The following OR2V2 variants were observed in gnomAD, a reference collection of about 807,000 sequenced individuals.
The protein encoded by OR2V2 is olfactory receptor family 2 subfamily V member 2, also known as olfactory receptor 2V2.
For missense variants in OR2V2, 392 were observed against 392.2 expected (o/e 1.00, Z 0.00); for synonymous variants, 161 against 151.3 (o/e 1.06, Z -0.47).
At chr5:181,148,405 A>G (rs970632113) in intron 1 of OR2V2, among the ~76,000 whole-genome samples, 3 of 152,186 alleles carry the variant, frequency 2.0e-5, no homozygotes, top group Non-Finnish European at 4.4e-5. Flanking sequence ...TCTCATCCCC[A>G]GGAGAATATT....
chr5:181,155,673 C>T lies in OR2V2; in HGVS notation c.731C>T (p.Ser244Phe). The change falls in exon 2 of 2, where the codon TCC becomes TTC. Residue 244 changes from serine to phenylalanine, a missense_variant. Transcript: ENST00000641492. Reference sequence around the variant, plus strand: ...AAAAAGGCCCTGGCCACCTGCTCCTCCCACCTGACAGCTGTCACCCTCTTC... The same window carrying T: ...AAAAAGGCCCTGGCCACCTGCTCCTTCCACCTGACAGCTGTCACCCTCTTC... Reference protein sequence around the residue: ...AWKKALATCSSHLTAVTLFYG... With the variant: ...AWKKALATCSFHLTAVTLFYG... 1 of 1,614,220 alleles carries T rather than the reference C, an allele frequency of 6.2e-7. No homozygotes were observed. Among genetic ancestry groups the T allele is most frequent in the Non-Finnish European group, 8.5e-7 (1 of 1,180,046 alleles).
chr5:181,156,518 A>C lies in OR2V2; in HGVS notation c.*628A>C, dbSNP rs1333394072. 2 of 152,236 alleles carry C rather than the reference A, an allele frequency of 1.3e-5. No individual in the cohort carries two copies. Among genetic ancestry groups the C allele is most frequent in the Non-Finnish European group, 2.9e-5 (2 of 68,034 alleles). The allele number at this position is 152,236 out of a possible 1,614,324, so 9.4% of individuals were successfully genotyped here. On this transcript the variant is annotated 3_prime_UTR_variant, in exon 2 of 2. Coordinates refer to ENST00000641492, the MANE Select transcript of OR2V2 (RefSeq NM_206880.2). ...TGAATATAGGACATTGTAAATCAGC[A>C]CTGTGCAGAAATAAGACATTGGGAT...
At chr5:181,154,662 G>C (rs1165546381) in intron 1 of OR2V2, among the ~76,000 whole-genome samples, 3 of 151,510 alleles carry the variant, frequency 2.0e-5, no homozygotes, top group Non-Finnish European at 2.9e-5. Context: ...GTTGTCCGAA[G>C]GTCTCTGACA....
chr5:181,147,874 C>T lies in OR2V2; in HGVS notation c.-146C>T. The stretch of plus-strand genomic sequence containing the variant: ...CTGAGGAAGGAGGTTGGGGCTGCGG[C>T]TCCTCCTGTCCCCTGACCCAGTGGG... On this transcript the variant is annotated 5_prime_UTR_variant, in exon 1 of 2. Coordinates refer to ENST00000641492, the MANE Select transcript of OR2V2 (RefSeq NM_206880.2). The T allele has an allele frequency of 2.5e-6, 1 of 397,414 alleles. No homozygotes were observed. Among genetic ancestry groups the T allele is most frequent in the Non-Finnish European group, 4.4e-6 (1 of 225,650 alleles). The allele number at this position is 397,414 out of a possible 1,614,324, so 24.6% of individuals were successfully genotyped here.
At chr5:181,152,798 C>T (rs1019275778) in intron 1 of OR2V2, among the ~76,000 whole-genome samples, 6 of 152,334 alleles carry the variant, frequency 3.9e-5, no homozygotes, top group South Asian at 4.1e-4. Context: ...GAGGCACCTG[C>T]GAGGAGGGAA....
chr5:181,155,002 C>T lies in OR2V2; in HGVS notation c.60C>T (p.Ser20=), dbSNP rs1763239032. The change falls in exon 2 of 2, where the codon TCC becomes TCT. Residue 20 remains serine, a synonymous_variant. Transcript: ENST00000641492. ...TDGFFLLGIF[S]HSTADLVLFS... ...GCTTCTTCCTCTTAGGCATCTTCTCCCACAGTACTGCTGACCTTGTCCTCT... is the reference window on the plus strand; with the variant it reads ...GCTTCTTCCTCTTAGGCATCTTCTCTCACAGTACTGCTGACCTTGTCCTCT... 1 of 1,614,054 alleles carries T rather than the reference C, an allele frequency of 6.2e-7. No individual in the cohort carries two copies. Among genetic ancestry groups the T allele is most frequent in the Non-Finnish European group, 8.5e-7 (1 of 1,180,036 alleles).
rs962593175 is a variant in OR2V2, at chr5:181,157,203, G to A, written c.*1313G>A. On this transcript the variant is annotated 3_prime_UTR_variant, in exon 2 of 2. Transcript: ENST00000641492. Reference sequence around the variant, plus strand: ...TCCATTGAAGGCGGAGAGAAAAGAGGCCAGAACTGGTCCTGAGGATTAGAC... The same window carrying A: ...TCCATTGAAGGCGGAGAGAAAAGAGACCAGAACTGGTCCTGAGGATTAGAC... 6.6e-6 allele frequency: 1 copy of A among 152,374 alleles called. No homozygotes were observed. Among genetic ancestry groups the A allele is most frequent in the East Asian group, 1.9e-4 (1 of 5,194 alleles). 9.4% of individuals were successfully genotyped at this position (152,374 alleles called of 1,614,324 possible). A position where few individuals can be genotyped will look rare whatever the true frequency, so the allele number is the denominator to read the frequency against.
In OR2V2 at chr5:181,158,128, G is replaced by A. The variant is rs902013567; in HGVS notation, c.*2238G>A. Reference sequence around the variant, plus strand: ...TTCCATTGAAAATTATCTACTGAACGCCACTAGCACCCAGAAATGTGGTAA... The same window carrying A: ...TTCCATTGAAAATTATCTACTGAACACCACTAGCACCCAGAAATGTGGTAA... On this transcript the variant is annotated 3_prime_UTR_variant, in exon 2 of 2. Transcript: ENST00000641492. The A allele has an allele frequency of 2.0e-5, 3 of 152,208 alleles. No individual in the cohort carries two copies. Among genetic ancestry groups the A allele is most frequent in the East Asian group, 3.9e-4 (2 of 5,188 alleles). The allele number at this position is 152,208 out of a possible 1,614,324, so 9.4% of individuals were successfully genotyped here.
rs200942272 is a variant in OR2V2, at chr5:181,155,876, G to A, written c.934G>A (p.Gly312Ser). The change falls in exon 2 of 2, where the codon GGC (glycine) becomes AGC (serine). Residue 312 changes from glycine (G) to serine (S), a missense_variant. Transcript: ENST00000641492. ...LRKGLDRCRI[G>S]SQH ...GAAGGGGCTGGACCGCTGCAGGATC[G>A]GCAGCCAGCACTGAACCCAGGGCAT... is the stretch of plus-strand genomic sequence containing the variant. The A allele has an allele frequency of 1.1e-4, 172 of 1,612,864 alleles. No homozygotes were observed. In the East Asian group the frequency reaches 1.9e-3, roughly 18 times the overall value.
At position 181,155,899 on chromosome 5, in the gene OR2V2, C is replaced by A. The variant is rs747431215; in HGVS notation, c.*9C>A. 6.2e-7 allele frequency: 1 copy of A among 1,601,520 alleles called. No homozygotes were observed. The highest frequency in any genetic ancestry group is 8.5e-7 in the Non-Finnish European group (1 of 1,170,480). ...TCGGCAGCCAGCACTGAACCCAGGG[C>A]ATCCAGTGCCTGGCTCTGCCATCTC... On this transcript the variant is annotated 3_prime_UTR_variant, in exon 2 of 2. Transcript: ENST00000641492.
At chr5:181,151,718 C>T (rs917452158) in intron 1 of OR2V2, among the ~76,000 whole-genome samples, 3 of 152,112 alleles carry the variant, frequency 2.0e-5, no homozygotes, top group Non-Finnish European at 2.9e-5. Flanking sequence ...GCAGTTGAAG[C>T]TGGGGCTGGG....
At chr5:181,151,565 G>T (rs1350865952) in intron 1 of OR2V2, among the ~76,000 whole-genome samples, 1 of 152,210 alleles carries the variant, frequency 6.6e-6, no homozygotes, top group Non-Finnish European at 1.5e-5. Flanking sequence ...GACTTGAGCT[G>T]AGCCCTTAAG....
rs1763257580 is a variant in OR2V2 at position 181,155,842 on chromosome 5, G to T, written c.900G>T (p.Gly300=). The T allele has an allele frequency of 6.2e-7, 1 of 1,614,184 alleles. No homozygotes were observed. The highest frequency in any genetic ancestry group is 8.5e-7 in the Non-Finnish European group (1 of 1,180,034). ...GCTTGAGGAACAGGGAGGTGATGGG[G>T]GCACTGAGGAAGGGGCTGGACCGCT... The part of the protein sequence containing the change: ...IYSLRNREVM[G]ALRKGLDRCR... The change falls in exon 2 of 2, where the codon GGG becomes GGT. Residue 300 remains glycine (G), a synonymous_variant. Transcript: ENST00000641492.
chr5:181,154,545 T>G (rs961124136), intron 1 of OR2V2, among the ~76,000 whole-genome samples: 32 of 146,274 alleles, frequency 2.2e-4, no homozygotes, highest in African/African-American at 6.9e-4. Context: ...AGCAGAGATC[T>G]CGCCACTGCA....
At chr5:181,150,018 G>C (rs1278706469) in intron 1 of OR2V2, among the ~76,000 whole-genome samples, 1 of 152,218 alleles carries the variant, frequency 6.6e-6, no homozygotes, top group Non-Finnish European at 1.5e-5. Flanking sequence ...GTGAATTTCT[G>C]GGGGACCTGG....
intron 1 of OR2V2, among the ~76,000 whole-genome samples, chr5:181,150,578 A>C (rs1286687787): frequency 6.6e-6 from 1 of 152,154 alleles, no homozygotes; most frequent in African/African-American, 2.4e-5. Flanking sequence ...TCAGCACGCA[A>C]CTGAGTATCA....
chr5:181,155,287 G>T lies in OR2V2; in HGVS notation c.345G>T (p.Leu115Phe). Reference sequence around the variant, plus strand: ...GTCTTGTGGGATCTGAGGGGCTCTTGCTGGGACTCATGGCTTATGACCGCT... The same window carrying T: ...GTCTTGTGGGATCTGAGGGGCTCTTTCTGGGACTCATGGCTTATGACCGCT... ...FVCLVGSEGL[L>F]LGLMAYDRYV... The change falls in exon 2 of 2, where the codon TTG (leucine) becomes TTT (phenylalanine). Residue 115 changes from leucine (L) to phenylalanine (F), a missense_variant. By Grantham distance (22) the Leu-to-Phe change is conservative. Transcript: ENST00000641492. 1 of 1,614,104 alleles carries T rather than the reference G, an allele frequency of 6.2e-7. No individual in the cohort carries two copies.
In OR2V2 at chr5:181,156,039, G is replaced by GTTCTTTCTTTTTCTTTCTTTCTTTCT. The variant is rs1763260473; in HGVS notation, c.*159_*160insTTCTTTCTTTCTTTCTTTCTTTCTTT. 8.1e-6 allele frequency: 4 copies of GTTCTTTCTTTTTCTTTCTTTCTTTCT among 495,170 alleles called. No homozygotes were observed. The African/African-American group carries it at 8.2e-5, about 10-fold the overall frequency. 30.7% of individuals were successfully genotyped at this position (495,170 alleles called of 1,614,324 possible). A position where few individuals can be genotyped will look rare whatever the true frequency, so the allele number is the denominator to read the frequency against. ...GAAGGTCTTTTTAAACACTACATCA[G>GTTCTTTCTTTTTCTTTCTTTCTTTCT]TTCTTTCTTTCTTTCTTTCTTTCTT... On this transcript the variant is annotated 3_prime_UTR_variant, in exon 2 of 2. Coordinates refer to ENST00000641492, the MANE Select transcript of OR2V2 (RefSeq NM_206880.2).
chr5:181,152,398 C>T (rs1006788827), intron 1 of OR2V2, among the ~76,000 whole-genome samples: 2 of 152,322 alleles, frequency 1.3e-5, no homozygotes, highest in Admixed American at 6.5e-5. Context: ...TTCTCTGACT[C>T]TTGGCTCACC....
Sources: allele counts gnomAD v4.1 joint callset (sites outside exome capture counted in the v4.1 genomes callset), GRCh38; gene constraint gnomAD v4.1.1; transcripts MANE v1.5; gene names NCBI Gene and HGNC (gene_info 2026-07-23, HGNC 2026-07-21).